LRP12: variants seen among roughly 807,000 people sequenced by gnomAD.
LRP12 encodes the protein low-density lipoprotein receptor-related protein 12.
In LRP12, 14 loss-of-function variants were observed where a neutral mutation model predicts 66.0. The ratio of observed to expected loss-of-function variants is 0.21; its 90% CI spans 0.14 to 0.33. LRP12 has a LOEUF of 0.33. Ranked by LOEUF, LRP12 falls within the 10% of genes least tolerant of loss-of-function variation. LRP12 has a pLI of 1.00. For synonymous variants in LRP12, 357 were observed against 359.1 expected (o/e 0.99, Z 0.07); for missense variants, 889 against 1,053.4 (o/e 0.84, Z 2.16).
At chr8:104,571,220 T>G (rs1021556313) in intron 1 of LRP12, among the ~76,000 whole-genome samples, 16 of 152,102 alleles carry the variant, frequency 1.1e-4, no homozygotes, top group Admixed American at 1.0e-3. Context: ...CCTAAGTATT[T>G]ATCCTAAAGC....
chr8:104,578,114 G>A (rs2092730919), intron 1 of LRP12, among the ~76,000 whole-genome samples: 2 of 151,144 alleles, frequency 1.3e-5, no homozygotes, highest in African/African-American at 2.4e-5. Flanking sequence ...TCCAGGAGCT[G>A]GTTTTTTTTT....
chr8:104,555,572 A>G lies in LRP12; in HGVS notation c.80-23609T>C, dbSNP rs1220635850. 1.3e-5 allele frequency among the ~76,000 whole-genome samples: 2 copies of G among 152,208 alleles called. 1 individual carries two copies. The highest frequency in any genetic ancestry group is 4.8e-5 in the African/African-American group (2 of 41,456). On this transcript the variant is annotated intron_variant, in intron 1 of 6. Coordinates refer to ENST00000276654, the MANE Select transcript of LRP12 (RefSeq NM_013437.5). ...AATAAATAAAAACACAAAGAGGGAC[A>G]TTATATAATGATAAAAGGACTAGTC...
At chr8:104,515,406 G>A (rs549366297) in intron 2 of LRP12, among the ~76,000 whole-genome samples, 77 of 152,296 alleles carry the variant, frequency 5.1e-4, no homozygotes, top group African/African-American at 1.3e-3. Flanking sequence ...GAAATAACCA[G>A]AGGTAGAAGT....
intron 1 of LRP12, chr8:104,566,214 TAG>T: frequency 1.5e-6 from 1 of 675,176 alleles, no homozygotes; most frequent in Non-Finnish European, 2.3e-6. Flanking sequence ...ATGCAGCACA[TAG>T]AAAGTATACA....
At chr8:104,543,135 G>T (rs1411729664) in intron 1 of LRP12, among the ~76,000 whole-genome samples, 1 of 151,734 alleles carries the variant, frequency 6.6e-6, no homozygotes, top group Non-Finnish European at 1.5e-5. Context: ...TTAAGTACAG[G>T]CTAACTCTTT....
chr8:104,498,229 AATTTT>A (rs1810769317), intron 4 of LRP12, among the ~76,000 whole-genome samples, 153 bp from the exon 5 acceptor site: 2 of 151,558 alleles, frequency 1.3e-5, no homozygotes, highest in African/African-American at 2.4e-5. Context: ...TTAATATTTT[AATTTT>A]AAGTTCCAGG....
chr8:104,551,314 G>T (rs148447920), intron 1 of LRP12, among the ~76,000 whole-genome samples: 31 of 152,250 alleles, frequency 2.0e-4, no homozygotes, highest in African/African-American at 7.2e-4. Flanking sequence ...TACGTATTGA[G>T]TTATAAGCAT....
chr8:104,548,526 A>T lies in LRP12; in HGVS notation c.80-16563T>A, dbSNP rs190384906. ...AATTCTATATTATATTTTGTATCTA[A>T]TATATAATTCTATGTTATATTTTGT... On this transcript the variant is annotated intron_variant, in intron 1 of 6. Coordinates refer to ENST00000276654, the MANE Select transcript of LRP12 (RefSeq NM_013437.5). 1.1e-3 allele frequency among the ~76,000 whole-genome samples: 152 copies of T among 133,594 alleles called. 14 individuals are homozygous for T. Among genetic ancestry groups the T allele is most frequent in the African/African-American group, 4.2e-3 (143 of 34,356 alleles). The allele number at this position is 133,594 out of a possible 152,430, so 87.6% of individuals were successfully genotyped here. A position where few individuals can be genotyped will look rare whatever the true frequency, so the allele number is the denominator to read the frequency against.
intron 2 of LRP12, among the ~76,000 whole-genome samples, chr8:104,515,090 G>A (rs1414441424): frequency 7.9e-5 from 12 of 152,172 alleles, no homozygotes; most frequent in Admixed American, 7.9e-4. Context: ...ATAGGGTTGG[G>A]ACACATACTC....
chr8:104,542,996 T>TATAAATAA (rs1811501582), intron 1 of LRP12, among the ~76,000 whole-genome samples: 1 of 145,706 alleles, frequency 6.9e-6, no homozygotes, highest in African/African-American at 2.6e-5. Flanking sequence ...CACACACAAA[T>TATAAATAA]ATATATATAT....
chr8:104,495,578 T>C, intron 5 of LRP12: 1 of 159,424 alleles, frequency 6.3e-6, no homozygotes, highest in South Asian at 1.9e-4. Context: ...CTCTTCATTG[T>C]GCTCTTTTGT....
intron 6 of LRP12, 106 bp from the exon 7 acceptor site, chr8:104,491,645 T>C (rs1255372010): frequency 5.4e-6 from 5 of 922,740 alleles, no homozygotes; most frequent in Non-Finnish European, 4.7e-6. Flanking sequence ...AAAAATTCTG[T>C]TACTCATTGT....
chr8:104,573,196 G>A (rs1163776604), intron 1 of LRP12, among the ~76,000 whole-genome samples: 1 of 152,148 alleles, frequency 6.6e-6, no homozygotes, highest in Non-Finnish European at 1.5e-5. Context: ...AAGTAATCAT[G>A]TTAGTACACT....
chr8:104,523,419 A>G (rs1429833415), intron 2 of LRP12, among the ~76,000 whole-genome samples: 1 of 152,242 alleles, frequency 6.6e-6, no homozygotes, highest in Non-Finnish European at 1.5e-5. Flanking sequence ...AGAGAAGTAT[A>G]AAGATGAATA....
chr8:104,532,020 C>T (rs1811331369), intron 1 of LRP12, 57 bp from the exon 2 acceptor site: 18 of 1,072,178 alleles, frequency 1.7e-5, no homozygotes, highest in Middle Eastern at 4.1e-4. Context: ...AAAATTTTTT[C>T]AGATCCTCCC....
At chr8:104,585,786 C>T (rs1812320169) in intron 1 of LRP12, among the ~76,000 whole-genome samples, 1 of 152,084 alleles carries the variant, frequency 6.6e-6, no homozygotes, top group Non-Finnish European at 1.5e-5. Context: ...TTAGGAAACA[C>T]TAATCTGGGA....
At chr8:104,500,239 A>G (rs1810804830) in intron 3 of LRP12, among the ~76,000 whole-genome samples, 1 of 152,226 alleles carries the variant, frequency 6.6e-6, no homozygotes, top group Non-Finnish European at 1.5e-5. Context: ...ATGCCTCACC[A>G]AAAAGTAAAG....
intron 1 of LRP12, among the ~76,000 whole-genome samples, chr8:104,559,948 T>C (rs1277991570): frequency 6.6e-6 from 1 of 152,158 alleles, no homozygotes; most frequent in Non-Finnish European, 1.5e-5. Context: ...AGAACAAATA[T>C]TTGAGGTAGA....
At chr8:104,526,412 C>A (rs891538285) in intron 2 of LRP12, among the ~76,000 whole-genome samples, 3 of 150,414 alleles carry the variant, frequency 2.0e-5, no homozygotes, top group African/African-American at 7.3e-5. Context: ...GGAGGCATCA[C>A]GCTACCTGAC....
Sources: allele counts gnomAD v4.1 joint callset (sites outside exome capture counted in the v4.1 genomes callset), GRCh38; gene constraint gnomAD v4.1.1; transcripts MANE v1.5; gene names NCBI Gene and HGNC (gene_info 2026-07-23, HGNC 2026-07-21).